ACOT7: variants seen among roughly 807,000 people sequenced by gnomAD.
ACOT7 encodes acyl-CoA thioesterase 7.
In ACOT7, 12 loss-of-function variants were observed where a neutral mutation model predicts 40.2. The ratio of observed to expected loss-of-function variants is 0.30; its 90% CI spans 0.19 to 0.48. ACOT7 has a LOEUF of 0.48. Ranked by LOEUF, ACOT7 falls within the 20% of genes least tolerant of loss-of-function variation. ACOT7 has a pLI of 0.99. For synonymous variants in ACOT7, 228 were observed against 219.5 expected, an observed-to-expected ratio of 1.04 and a Z score of -0.34; for missense variants, 395 against 530.8, an observed-to-expected ratio of 0.74 and a Z score of 2.51.
chr1:6,349,916 T>C (rs753387191), intron 1 of ACOT7, 50 bp from the exon 2 acceptor site: 2 of 1,569,872 alleles, frequency 1.3e-6, no homozygotes, highest in Non-Finnish European at 1.8e-6. Flanking sequence ...ATGCCATTTG[T>C]GCAACAGTGA....
intron 8 of ACOT7, 124 bp downstream of exon 8, chr1:6,280,978 C>G: frequency 7.4e-7 from 1 of 1,354,606 alleles, no homozygotes; most frequent in Non-Finnish European, 1.0e-6. Flanking sequence ...AGGCCCAGCC[C>G]TACTCTGACC....
In ACOT7 at chr1:6,360,452, G is replaced by A. The variant is rs1641864019; in HGVS notation, c.144-10586C>T. The A allele has an allele frequency of 2.9e-6, 4 of 1,395,742 alleles. No homozygotes were observed. The Admixed American group carries it at 5.7e-5, about 20-fold the overall frequency. The allele number at this position is 1,395,742 out of a possible 1,614,324, so 86.5% of individuals were successfully genotyped here. On this transcript the variant is annotated intron_variant, in intron 1 of 8. Transcript: ENST00000361521. ...ATCTTCCTGAGTAGCCGGCATCCCAGGGCCAGGGTCTTGAAGCCACAGCGT... is the reference window on the plus strand; with the variant it reads ...ATCTTCCTGAGTAGCCGGCATCCCAAGGCCAGGGTCTTGAAGCCACAGCGT...
Position 6,393,452 on chromosome 1 carries a change from G to T in ACOT7, c.-53C>A, listed in dbSNP as rs1162598394. ...GGGGCTGGTGAGGCGGGGCCTGCGCGCCGGGGGCAATCGAACGCGGCCTCC... is the reference window on the plus strand; with the variant it reads ...GGGGCTGGTGAGGCGGGGCCTGCGCTCCGGGGGCAATCGAACGCGGCCTCC... On this transcript the variant is annotated 5_prime_UTR_variant, in exon 1 of 9. Coordinates refer to ENST00000361521, the MANE Select transcript of ACOT7 (RefSeq NM_007274.4). 3.8e-6 allele frequency: 4 copies of T among 1,062,022 alleles called. No individual in the cohort carries two copies. In the African/African-American group the frequency reaches 1.4e-4, roughly 36 times the overall value. The allele number at this position is 1,062,022 out of a possible 1,614,324, so 65.8% of individuals were successfully genotyped here. A position where few individuals can be genotyped will look rare whatever the true frequency, so the allele number is the denominator to read the frequency against.
At chr1:6,267,934 A>C (rs537211652) in intron 8 of ACOT7, among the ~76,000 whole-genome samples, 1 of 152,312 alleles carries the variant, frequency 6.6e-6, no homozygotes, top group South Asian at 2.1e-4. Flanking sequence ...GCGGGGACCA[A>C]ATTTCTCCCT....
intron 2 of ACOT7, 95 bp from the exon 3 acceptor site, chr1:6,339,684 G>T: frequency 6.9e-7 from 1 of 1,457,666 alleles, no homozygotes. Context: ...CTTTGCCTTT[G>T]CTTTCATTCC....
In ACOT7 at chr1:6,325,515, G is replaced by A. The variant is rs541988361; in HGVS notation, c.625+1784C>T. Among the ~76,000 whole-genome samples the A allele has an allele frequency of 5.1e-4, 78 of 151,988 alleles. 1 individual carries two copies. The highest frequency in any genetic ancestry group is 9.9e-4 in the Non-Finnish European group (67 of 67,992). On this transcript the variant is annotated intron_variant, in intron 5 of 8. Coordinates refer to ENST00000361521, the MANE Select transcript of ACOT7 (RefSeq NM_007274.4). ...TTCTTTTTTTGGTGTTTGTTAAAAA[G>A]CAGACATGAAAAGAGAGGAAACCTA...
intron 4 of ACOT7, among the ~76,000 whole-genome samples, chr1:6,328,082 C>T (rs1412433521): frequency 1.3e-5 from 2 of 152,036 alleles, no homozygotes; most frequent in Non-Finnish European, 2.9e-5. Flanking sequence ...CCCGCTTTTT[C>T]ACTATTAAAA....
chr1:6,305,049 T>C (rs78917201), intron 6 of ACOT7, among the ~76,000 whole-genome samples: 1 of 127,502 alleles, frequency 7.8e-6, no homozygotes. Flanking sequence ...CCCTCCCAGA[T>C]GGGGCGGCTG....
chr1:6,267,373 C>T (rs1638882079), intron 8 of ACOT7, among the ~76,000 whole-genome samples: 1 of 152,222 alleles, frequency 6.6e-6, no homozygotes, highest in Non-Finnish European at 1.5e-5. Flanking sequence ...GGAGCTGTTA[C>T]CATGGGTGTC....
intron 1 of ACOT7, among the ~76,000 whole-genome samples, chr1:6,371,922 G>C (rs1571349773): frequency 6.6e-6 from 1 of 151,932 alleles, no homozygotes; most frequent in South Asian, 2.1e-4. Context: ...ACGTGCACCT[G>C]TAGACCCAGC....
intron 7 of ACOT7, among the ~76,000 whole-genome samples, chr1:6,285,448 C>T (rs1223451054): frequency 6.6e-6 from 1 of 152,244 alleles, no homozygotes; most frequent in Non-Finnish European, 1.5e-5. Context: ...AGCCTGGGGG[C>T]AGTCACGTGC....
Position 6,359,147 on chromosome 1 carries a change from C to T in ACOT7, c.144-9281G>A, listed in dbSNP as rs1416999370. 2.1e-5 allele frequency: 6 copies of T among 286,408 alleles called. No individual in the cohort carries two copies. Among genetic ancestry groups the T allele is most frequent in the African/African-American group, 1.3e-4 (6 of 45,140 alleles). The allele number at this position is 286,408 out of a possible 1,614,324, so 17.7% of individuals were successfully genotyped here. ...CAGGAGATCAGGAAGGCAGAGGGGCCGCTGCTGAGCGGCCTCAGGGAAGCG... is the reference window on the plus strand; with the variant it reads ...CAGGAGATCAGGAAGGCAGAGGGGCTGCTGCTGAGCGGCCTCAGGGAAGCG... On this transcript the variant is annotated intron_variant, in intron 1 of 8. Transcript: ENST00000361521. This position sits in a 1 kb window ranked among gnomAD's most constrained non-coding sequence, Gnocchi z 4.1.
intron 8 of ACOT7, among the ~76,000 whole-genome samples, chr1:6,265,852 A>C (rs559898441): frequency 6.6e-6 from 1 of 152,306 alleles, no homozygotes; most frequent in East Asian, 1.9e-4. Context: ...CTGTACAGCT[A>C]TTTTTGGGCC....
intron 8 of ACOT7, among the ~76,000 whole-genome samples, chr1:6,280,192 C>T (rs576446092): frequency 1.9e-4 from 29 of 152,344 alleles, no homozygotes; most frequent in East Asian, 1.2e-3. Context: ...GCTCTGTTCC[C>T]GCATCCTCGC....
At chr1:6,354,197 T>C (rs765568546) in intron 1 of ACOT7, among the ~76,000 whole-genome samples, 2 of 151,974 alleles carry the variant, frequency 1.3e-5, no homozygotes, top group Non-Finnish European at 2.9e-5. Flanking sequence ...ATCCAGCTGA[T>C]GACAAGGGCT....
At chr1:6,318,432 C>G in intron 6 of ACOT7, 60 bp downstream of exon 6, 1 of 1,554,986 alleles carries the variant, frequency 6.4e-7, no homozygotes, top group African/African-American at 1.4e-5. Context: ...GCACGGCTGC[C>G]AGAGAAGCAA....
intron 5 of ACOT7, among the ~76,000 whole-genome samples, chr1:6,323,753 T>A (rs1444245781): frequency 7.5e-6 from 1 of 133,658 alleles, no homozygotes; most frequent in African/African-American, 2.9e-5. Flanking sequence ...TATATATATA[T>A]ATATATATAT....
intron 5 of ACOT7, among the ~76,000 whole-genome samples, chr1:6,323,741 T>A (rs1456431227): frequency 3.7e-3 from 296 of 79,126 alleles, no homozygotes; most frequent in African/African-American, 0.011. Context: ...AAAAAAAATA[T>A]ATATATATAT....
intron 1 of ACOT7, chr1:6,385,786 C>T: frequency 6.9e-7 from 1 of 1,440,028 alleles, no homozygotes; most frequent in Non-Finnish European, 9.1e-7. Context: ...TGATAGAAAG[C>T]ACCAGGCTCC....
Sources: allele counts gnomAD v4.1 joint callset (sites outside exome capture counted in the v4.1 genomes callset), GRCh38; gene constraint gnomAD v4.1.1; non-coding constraint Gnocchi (gnomAD v3.1); transcripts MANE v1.5; gene names NCBI Gene and HGNC (gene_info 2026-07-23, HGNC 2026-07-21).